SLC12A4: variants seen among roughly 807,000 people sequenced by gnomAD.
The protein encoded by SLC12A4 is electroneutral potassium-chloride cotransporter 1.
In SLC12A4, 84 loss-of-function variants were observed where a neutral mutation model predicts 119.2. The ratio of observed to expected loss-of-function variants is 0.70; its 90% confidence interval spans 0.59 to 0.85. The LOEUF (loss-of-function observed/expected upper bound fraction) is 0.85, where lower values mean the gene tolerates loss of function less well. Ranked by LOEUF, SLC12A4 falls within the 40% of genes least tolerant of loss-of-function variation. The pLI is 0.00. For synonymous variants in SLC12A4, 599 were observed against 604.6 expected (o/e 0.99, Z 0.14); for missense variants, 1,298 against 1,476.3 (o/e 0.88, Z 1.98).
intron 2 of SLC12A4, among the ~76,000 whole-genome samples, 181 bp from the exon 3 acceptor site, chr16:67,961,887 C>A (rs185932534): frequency 1.3e-5 from 2 of 152,242 alleles, no homozygotes; most frequent in Non-Finnish European, 2.9e-5. Context: ...CACCCCAGCA[C>A]GTGGCACTCA....
intron 14 of SLC12A4, 90 bp from the exon 15 acceptor site, chr16:67,947,878 C>CGGGTG: frequency 6.6e-7 from 1 of 1,521,272 alleles, no homozygotes; most frequent in African/African-American, 1.4e-5. Flanking sequence ...TGTCAGGTCC[C>CGGGTG]GGGTGGGAGG....
rs1379376801 is a variant in SLC12A4 at position 67,963,843 on chromosome 16, CG to C, written c.116-285del. 3 of 1,492,864 alleles carry C rather than the reference CG, an allele frequency of 2.0e-6. No homozygotes were observed. The South Asian group carries it at 3.7e-5, about 18-fold the overall frequency. The allele number at this position is 1,492,864 out of a possible 1,614,324, so 92.5% of individuals were successfully genotyped here. A position where few individuals can be genotyped will look rare whatever the true frequency, so the allele number is the denominator to read the frequency against. On this transcript the variant is annotated intron_variant, in intron 1 of 23. Transcript: ENST00000316341. ...ACAAGCACGTATGGACACTGAGGGACGGGGCCTGCAGAGGGGCGGGGCCAGC... is the reference window on the plus strand; with the variant it reads ...ACAAGCACGTATGGACACTGAGGGACGGGCCTGCAGAGGGGCGGGGCCAGC...
rs1452045122 is a variant in SLC12A4, at chr16:67,952,435, G to C, written c.676-10C>G. ...GTGGGGCAATGTAGGTCTGAAACAA[G>C]AAGATGGATAAGGAGGGTTTTATTT... On this transcript the variant is annotated splice_polypyrimidine_tract_variant and intron_variant, in intron 6 of 23. Coordinates refer to ENST00000316341, the MANE Select transcript of SLC12A4 (RefSeq NM_005072.5). 6.2e-7 allele frequency: 1 copy of C among 1,613,240 alleles called. No individual in the cohort carries two copies. The highest frequency in any genetic ancestry group is 1.7e-5 in the Admixed American group (1 of 60,012).
intron 6 of SLC12A4, among the ~76,000 whole-genome samples, chr16:67,952,828 C>T (rs1472111876): frequency 6.6e-6 from 1 of 151,956 alleles, no homozygotes; most frequent in East Asian, 1.9e-4. Context: ...TGGCTCACGC[C>T]TGTAATCCCA....
At position 67,946,355 on chromosome 16, in the gene SLC12A4, C is replaced by A. The variant is rs931223909; in HGVS notation, c.2438-15G>T. The A allele has an allele frequency of 2.5e-6, 4 of 1,605,678 alleles. No individual in the cohort carries two copies. The highest frequency in any genetic ancestry group is 3.4e-6 in the Non-Finnish European group (4 of 1,179,798). ...GCGCACGGTGTCTGGGGAGGAGGAG[C>A]ACGGCTGACCACCAGTCTGTGGCCC... On this transcript the variant is annotated splice_polypyrimidine_tract_variant and intron_variant, in intron 18 of 23. Transcript: ENST00000316341.
At chr16:67,963,852 C>G (rs2030719290) in intron 1 of SLC12A4, 4 of 1,524,456 alleles carry the variant, frequency 2.6e-6, no homozygotes, top group Middle Eastern at 1.7e-4. Flanking sequence ...ACGGGGCCTG[C>G]AGAGGGGCGG....
chr16:67,956,514 C>T (rs944322314), intron 5 of SLC12A4, among the ~76,000 whole-genome samples: 4 of 151,858 alleles, frequency 2.6e-5, no homozygotes, highest in Admixed American at 2.0e-4. Context: ...AGTGAAACCT[C>T]GTCTCTACTA....
In SLC12A4 at chr16:67,951,618, TGCTGCAGGCCTTGGAC is replaced by T. The variant is rs1330740089; in HGVS notation, c.1132+189_1132+204del. On this transcript the variant is annotated intron_variant, in intron 8 of 23. Coordinates refer to ENST00000316341, the MANE Select transcript of SLC12A4 (RefSeq NM_005072.5). This position sits in a 1 kb window ranked among gnomAD's most constrained non-coding sequence, Gnocchi z 5.2. ...GGGCTGGTGGCTGGGGAAGACAGGC[TGCTGCAGGCCTTGGAC>T]GCTGGCCAGACAGGCTCCACTCACT... 1.6e-6 allele frequency: 1 copy of T among 616,290 alleles called. No homozygotes were observed. The highest frequency in any genetic ancestry group is 2.8e-6 in the Non-Finnish European group (1 of 351,982). 38.2% of individuals were successfully genotyped at this position (616,290 alleles called of 1,614,324 possible).
chr16:67,958,131 C>T, intron 3 of SLC12A4, 87 bp from the exon 4 acceptor site: 1 of 1,457,256 alleles, frequency 6.9e-7, no homozygotes, highest in Middle Eastern at 2.0e-4. Flanking sequence ...CAGGCCCCCT[C>T]CCCCAGTGGG....
intron 23 of SLC12A4, 78 bp from the exon 24 acceptor site, chr16:67,945,009 G>A (rs770644164): frequency 6.2e-7 from 1 of 1,603,446 alleles, no homozygotes; most frequent in Non-Finnish European, 8.5e-7. Flanking sequence ...CCACCCAGGG[G>A]TGCCCAGGAG....
At position 67,952,183 on chromosome 16, in the gene SLC12A4, C is replaced by T. The variant is rs755336639; in HGVS notation, c.917+1G>A. The T allele has an allele frequency of 4.3e-6, 7 of 1,613,526 alleles. No homozygotes were observed. Among genetic ancestry groups the T allele is most frequent in the African/African-American group, 1.3e-5 (1 of 74,888 alleles). ...CCCAGATAAATTCCTGGGTTACTTA[C>T]GGAAACACGGGAGGGTCAAATATAG... On this transcript the variant is annotated splice_donor_variant, in intron 7 of 23. Coordinates refer to ENST00000316341, the MANE Select transcript of SLC12A4 (RefSeq NM_005072.5). LOFTEE classifies it high-confidence loss of function.
intron 3 of SLC12A4, among the ~76,000 whole-genome samples, chr16:67,959,960 A>G (rs2030476795): frequency 6.6e-6 from 1 of 152,146 alleles, no homozygotes; most frequent in Non-Finnish European, 1.5e-5. Context: ...CCAGATCCCT[A>G]ACTTCCTACT....
intron 3 of SLC12A4, among the ~76,000 whole-genome samples, chr16:67,960,192 G>A (rs2030487414): frequency 6.6e-6 from 1 of 152,210 alleles, no homozygotes; most frequent in Non-Finnish European, 1.5e-5. Flanking sequence ...GCCGTTCTCA[G>A]GGGCCTCTTC....
Position 67,946,980 on chromosome 16 carries a change from C to T in SLC12A4, c.2198G>A (p.Gly733Glu). The T allele has an allele frequency of 1.9e-6, 3 of 1,613,312 alleles. No individual in the cohort carries two copies. Among genetic ancestry groups the T allele is most frequent in the Admixed American group, 1.7e-5 (1 of 60,022 alleles). ...CTCGCCATAGCTCTCCAAGAAGCTC[C>T]CCTGGATGACAGAACCAACAATGGT... Reference protein sequence around the residue: ...GLTIVGSVIQGSFLESYGEAQ... With the variant: ...GLTIVGSVIQESFLESYGEAQ... Residue 733 changes from glycine (G) to glutamate (E), a missense_variant, in exon 17 of 24, where the codon GGG (glycine) becomes GAG (glutamate). Transcript: ENST00000316341.
intron 2 of SLC12A4, chr16:67,962,453 T>C (rs2030632291): frequency 6.6e-6 from 1 of 152,326 alleles, no homozygotes; most frequent in Non-Finnish European, 1.5e-5. Flanking sequence ...ACATTTAGCT[T>C]TTCCCTCTCT....
At position 67,968,587 on chromosome 16, in the gene SLC12A4, C is replaced by CA; in HGVS notation, c.-35dup. 1 of 1,460,690 alleles carries CA rather than the reference C, an allele frequency of 6.8e-7. No homozygotes were observed. The highest frequency in any genetic ancestry group is 9.0e-7 in the Non-Finnish European group (1 of 1,106,880). The allele number at this position is 1,460,690 out of a possible 1,614,324, so 90.5% of individuals were successfully genotyped here. On this transcript the variant is annotated 5_prime_UTR_variant, in exon 1 of 24. Transcript: ENST00000316341. ...CTCGGCCCCGCCGCACCCGCCGTCC[C>CA]AGCCGCCCGCCGCTGTCCCCGCCGC...
At chr16:67,946,814 C>A in intron 17 of SLC12A4, 123 bp downstream of exon 17, 1 of 1,279,092 alleles carries the variant, frequency 7.8e-7, no homozygotes, top group Non-Finnish European at 1.1e-6. Context: ...TGCCAGCTCT[C>A]AGGTGGCAGC....
In SLC12A4 at chr16:67,949,916, C is replaced by A; in HGVS notation, c.1632G>T (p.Val544=). The change falls in exon 13 of 24, where the codon GTG becomes GTT. Residue 544 remains valine, a splice_region_variant and synonymous_variant. Coordinates refer to ENST00000316341, the MANE Select transcript of SLC12A4 (RefSeq NM_005072.5). This position sits in a 1 kb window ranked among gnomAD's most constrained non-coding sequence, Gnocchi z 4.6. ...CACCATTCACCTTCCCGTGGCCAAA[C>A]ACCTGTGTGCACCAGGAAGGAAGCT... ...AKDNIIPFLR[V]FGHGKVNGEP... 1 of 1,607,178 alleles carries A rather than the reference C, an allele frequency of 6.2e-7. No individual in the cohort carries two copies. Among genetic ancestry groups the A allele is most frequent in the South Asian group, 1.1e-5 (1 of 90,894 alleles).
At chr16:67,948,702 G>A (rs1481589014) in intron 13 of SLC12A4, among the ~76,000 whole-genome samples, 2 of 152,242 alleles carry the variant, frequency 1.3e-5, no homozygotes, top group Non-Finnish European at 1.5e-5. Flanking sequence ...CACAGGGCAT[G>A]CCAGGGGGCA....
Sources: allele counts gnomAD v4.1 joint callset (sites outside exome capture counted in the v4.1 genomes callset), GRCh38; gene constraint gnomAD v4.1.1; non-coding constraint Gnocchi (gnomAD v3.1); transcripts MANE v1.5; gene names NCBI Gene and HGNC (gene_info 2026-07-23, HGNC 2026-07-21).